CRX: variants seen among roughly 807,000 people sequenced by gnomAD.
CRX encodes cone-rod homeobox protein.
CRX carries 5 observed loss-of-function variants against 13.1 expected under a neutral mutation model. That is an observed-to-expected ratio of 0.38 (90% CI 0.20 to 0.80). The LOEUF (loss-of-function observed/expected upper bound fraction) is 0.80. CRX is among the 30% of genes least tolerant of loss of function. The pLI, the probability that CRX is intolerant of heterozygous loss-of-function variation, is 0.43. For synonymous variants in CRX, 179 were observed against 171.1 expected (o/e 1.05, Z -0.36); for missense variants, 351 against 391.8 (o/e 0.90, Z 0.88).
intron 1 of CRX, among the ~76,000 whole-genome samples, chr19:47,832,298 G>T (rs1487449276): frequency 6.8e-6 from 1 of 148,066 alleles, no homozygotes; most frequent in Non-Finnish European, 1.5e-5. Context: ...CAGAGACGGG[G>T]TTTCACCATG....
At chr19:47,823,761 T>G (rs759421126) in intron 1 of CRX, among the ~76,000 whole-genome samples, 2 of 151,382 alleles carry the variant, frequency 1.3e-5, no homozygotes, top group Non-Finnish European at 2.9e-5. Flanking sequence ...GCGATTCTCC[T>G]GCCTCAGCCT....
rs747582312 is a variant in CRX at position 47,835,133 on chromosome 19, T to C, written c.100+590T>C. 1.2e-4 allele frequency among the ~76,000 whole-genome samples: 19 copies of C among 152,164 alleles called. 1 individual carries two copies. Among genetic ancestry groups the C allele is most frequent in the Non-Finnish European group, 2.4e-4 (16 of 68,018 alleles). On this transcript the variant is annotated intron_variant, in intron 2 of 3. Coordinates refer to ENST00000221996, the MANE Select transcript of CRX (RefSeq NM_000554.6). ...CCTTGGCCTCCCAAATAGCTAGGAT[T>C]ACAGGTGCACGCCACCATGCCTGGC...
intron 1 of CRX, among the ~76,000 whole-genome samples, chr19:47,822,919 G>A (rs1798894234): frequency 6.6e-6 from 1 of 152,066 alleles, no homozygotes; most frequent in Non-Finnish European, 1.5e-5. Flanking sequence ...TCAGCCTCTT[G>A]AGTAGCTGGA....
At chr19:47,823,650 T>TA (rs923450443) in intron 1 of CRX, among the ~76,000 whole-genome samples, 10 of 59,118 alleles carry the variant, frequency 1.7e-4, no homozygotes, top group African/African-American at 1.1e-3. Context: ...ATGAGTCTGG[T>TA]TTTTTTTTTT....
At position 47,839,852 on chromosome 19, in the gene CRX, G is replaced by A; in HGVS notation, c.785G>A (p.Ser262Asn). The A allele has an allele frequency of 6.2e-7, 1 of 1,614,092 alleles. No homozygotes were observed. The highest frequency in any genetic ancestry group is 8.5e-7 in the Non-Finnish European group (1 of 1,180,036). The change falls in exon 4 of 4, where the codon AGC (serine) becomes AAC (asparagine). Residue 262 changes from serine (S) to asparagine (N), a missense_variant. Transcript: ENST00000221996. The surrounding 1 kb of genome is among the most constrained non-coding windows in gnomAD (Gnocchi z 4.6). Reference sequence around the variant, plus strand: ...TCAGGCCAGAGCTATGGCGCCTACAGCCCCGTGGATAGCTTGGAATTCAAG... The same window carrying A: ...TCAGGCCAGAGCTATGGCGCCTACAACCCCGTGGATAGCTTGGAATTCAAG... ...SLSGQSYGAYSPVDSLEFKDP... is the reference protein window; with the variant it reads ...SLSGQSYGAYNPVDSLEFKDP...
intron 1 of CRX, among the ~76,000 whole-genome samples, chr19:47,824,616 A>ACCTC (rs963118997): frequency 6.6e-5 from 10 of 151,644 alleles, no homozygotes; most frequent in African/African-American, 2.4e-4. Context: ...AACTGTGGGC[A>ACCTC]CCTCCCTCCC....
Position 47,836,413 on chromosome 19 carries a change from G to A in CRX, c.252+19G>A. The A allele has an allele frequency of 6.2e-7, 1 of 1,614,152 alleles. No homozygotes were observed. The highest frequency in any genetic ancestry group is 8.5e-7 in the Non-Finnish European group (1 of 1,180,016). On this transcript the variant is annotated intron_variant, in intron 3 of 3. Transcript: ENST00000221996. ...GGTTCAGGTGGGGTGGTGGGTCCCTGGACCCCTCCCGACACTTCCTGTGAT... is the reference window on the plus strand; with the variant it reads ...GGTTCAGGTGGGGTGGTGGGTCCCTAGACCCCTCCCGACACTTCCTGTGAT...
chr19:47,834,427 C>T lies in CRX; in HGVS notation c.-17C>T, dbSNP rs1349305491. On this transcript the variant is annotated 5_prime_UTR_variant, in exon 2 of 4. Coordinates refer to ENST00000221996, the MANE Select transcript of CRX (RefSeq NM_000554.6). ...CTTGCAGGCCCCCTGACTTGGGCCT[C>T]AGTGTCCCCGAAGATCATGATGGCG... is the stretch of plus-strand genomic sequence containing the variant. 1.2e-6 allele frequency: 2 copies of T among 1,603,544 alleles called. No homozygotes were observed. The highest frequency in any genetic ancestry group is 2.2e-5 in the East Asian group (1 of 44,818).
At chr19:47,832,704 T>C (rs781454929) in intron 1 of CRX, among the ~76,000 whole-genome samples, 2 of 152,002 alleles carry the variant, frequency 1.3e-5, no homozygotes, top group Non-Finnish European at 2.9e-5. Flanking sequence ...CAGGCTAATC[T>C]CAAACTCCTG....
At position 47,839,456 on chromosome 19, in the gene CRX, A is replaced by G; in HGVS notation, c.389A>G (p.Asp130Gly). ...KAGTSPRPST[D>G]VCPDPLGISD... ...GGCACGTCCCCAAGACCCTCCACAG[A>G]TGTGTGTCCAGACCCTCTGGGCATC... Residue 130 changes from aspartate to glycine, a missense_variant, in exon 4 of 4, where the codon GAT becomes GGT. Asp to Gly is a moderately conservative substitution (Grantham distance 94). Around this residue, in one of 3 missense-constraint regions of CRX, gnomAD observed 253 missense variants for 268.3 expected, o/e 0.94. Transcript: ENST00000221996. The surrounding 1 kb of genome is among the most constrained non-coding windows in gnomAD (Gnocchi z 4.6). 1.2e-6 allele frequency: 2 copies of G among 1,613,834 alleles called. No individual in the cohort carries two copies. The highest frequency in any genetic ancestry group is 1.7e-6 in the Non-Finnish European group (2 of 1,179,866).
chr19:47,837,314 G>A (rs1404275450), intron 3 of CRX, among the ~76,000 whole-genome samples: 1 of 152,066 alleles, frequency 6.6e-6, no homozygotes, highest in African/African-American at 2.4e-5. Flanking sequence ...TTACAGGCGT[G>A]TGCCACCACA....
chr19:47,831,652 T>G (rs1968047543), intron 1 of CRX, among the ~76,000 whole-genome samples: 1 of 152,182 alleles, frequency 6.6e-6, no homozygotes, highest in Non-Finnish European at 1.5e-5. Flanking sequence ...AAGCAAACTT[T>G]GGGTGGGTCT....
At chr19:47,825,332 C>T (rs192676785) in intron 1 of CRX, among the ~76,000 whole-genome samples, 5 of 152,130 alleles carry the variant, frequency 3.3e-5, no homozygotes, top group Non-Finnish European at 7.4e-5. Context: ...TGGATCATAG[C>T]TCACTGCAGC....
chr19:47,832,637 C>A (rs968553928), intron 1 of CRX, among the ~76,000 whole-genome samples: 1 of 151,806 alleles, frequency 6.6e-6, no homozygotes, highest in African/African-American at 2.4e-5. Context: ...AGGCGTGCAC[C>A]CCTGTGCCCA....
chr19:47,840,046 C>A lies in CRX; in HGVS notation c.*79C>A. 6.4e-7 allele frequency: 1 copy of A among 1,562,196 alleles called. No individual in the cohort carries two copies. The highest frequency in any genetic ancestry group is 8.7e-7 in the Non-Finnish European group (1 of 1,148,246). Reference sequence around the variant, plus strand: ...ATCTGCTTCCCTGCAGTTTAGATCCCGGGATGGCATTCCTGAGAAAGCAAC... The same window carrying A: ...ATCTGCTTCCCTGCAGTTTAGATCCAGGGATGGCATTCCTGAGAAAGCAAC... On this transcript the variant is annotated 3_prime_UTR_variant, in exon 4 of 4. Coordinates refer to ENST00000221996, the MANE Select transcript of CRX (RefSeq NM_000554.6).
At chr19:47,828,045 T>C (rs540555514) in intron 1 of CRX, among the ~76,000 whole-genome samples, 2 of 151,312 alleles carry the variant, frequency 1.3e-5, no homozygotes, top group African/African-American at 2.4e-5. Flanking sequence ...TCTCAGCTAC[T>C]TGGGAGGCTG....
At position 47,836,236 on chromosome 19, in the gene CRX, A is replaced by C; in HGVS notation, c.101-7A>C. ...ACCTGAGGGTCCTGTTTCCCATCCC[A>C]CCCCAGGCGCCCCCAGGAAGCAGCG... On this transcript the variant is annotated splice_region_variant and splice_polypyrimidine_tract_variant and intron_variant, in intron 2 of 3. Transcript: ENST00000221996. 6.2e-7 allele frequency: 1 copy of C among 1,613,858 alleles called. No homozygotes were observed. Among genetic ancestry groups the C allele is most frequent in the Non-Finnish European group, 8.5e-7 (1 of 1,179,958 alleles).
At chr19:47,828,190 G>A (rs1339924594) in intron 1 of CRX, among the ~76,000 whole-genome samples, 2 of 151,780 alleles carry the variant, frequency 1.3e-5, no homozygotes, top group African/African-American at 4.8e-5. Context: ...GTTTGTTATT[G>A]GTTTCTCTAG....
intron 3 of CRX, among the ~76,000 whole-genome samples, chr19:47,838,493 GATGA>G (rs927079284): frequency 1.3e-5 from 2 of 152,188 alleles, no homozygotes; most frequent in African/African-American, 4.8e-5. Context: ...CAGATGGATG[GATGA>G]ATGTGTATGA....
Sources: gnomAD v4.1 joint callset for allele counts (sites outside exome capture counted in the v4.1 genomes callset) on GRCh38, gnomAD v4.1.1 for gene constraint, gnomAD v4.1.1 regional missense constraint, Gnocchi (gnomAD v3.1) non-coding constraint, MANE v1.5 for transcripts, NCBI Gene and HGNC (gene_info 2026-07-23, HGNC 2026-07-21) for gene names.